BMAL1: variants seen among roughly 807,000 people sequenced by gnomAD.
BMAL1 encodes basic helix-loop-helix ARNT like 1.
the BMAL1 span, among the ~76,000 whole-genome samples, chr11:13,294,903 C>T: frequency 2.8e-4 from 43 of 152,188 alleles, no homozygotes; most frequent in Non-Finnish European, 3.8e-4. Flanking sequence ...GGCTTCTTCC[C>T]GCAGTGTTCT....
chr11:13,367,731 TGA>T, the BMAL1 span, among the ~76,000 whole-genome samples: 2 of 136,034 alleles, frequency 1.5e-5, no homozygotes, highest in Middle Eastern at 8.5e-3. Flanking sequence ...AAAAAAAGAA[TGA>T]GAACACAAGG....
chr11:13,311,676 G>C, the BMAL1 span, among the ~76,000 whole-genome samples: 1 of 152,228 alleles, frequency 6.6e-6, no homozygotes. Context: ...AGCATGCTGT[G>C]ACCAGTTTTC....
At chr11:13,378,266 T>C in the BMAL1 span, 1 of 1,471,840 alleles carries the variant, frequency 6.8e-7, no homozygotes, top group African/African-American at 1.4e-5. Context: ...ATAAACTGGT[T>C]TTACTTTAAT....
chr11:13,299,387 A>C, the BMAL1 span, among the ~76,000 whole-genome samples: 1 of 152,100 alleles, frequency 6.6e-6, no homozygotes, highest in African/African-American at 2.4e-5. Context: ...GCTGGCCTGT[A>C]AGGGATCTGA....
the BMAL1 span, among the ~76,000 whole-genome samples, chr11:13,328,111 G>A: frequency 2.6e-5 from 4 of 152,178 alleles, no homozygotes; most frequent in Non-Finnish European, 5.9e-5. Context: ...TTGATGAGAT[G>A]TACCTGCTGA....
the BMAL1 span, chr11:13,385,671 C>T: frequency 6.3e-7 from 1 of 1,576,902 alleles, no homozygotes. Context: ...CTTCACACTT[C>T]CCTCCTTTTG....
the BMAL1 span, among the ~76,000 whole-genome samples, chr11:13,316,521 C>T: frequency 6.6e-6 from 1 of 152,096 alleles, no homozygotes; most frequent in Non-Finnish European, 1.5e-5. Flanking sequence ...ACTTTGGTAC[C>T]TTGGTGACTT....
At chr11:13,354,208 C>CCCCCCAA in the BMAL1 span, 2 of 985,862 alleles carry the variant, frequency 2.0e-6, no homozygotes, top group South Asian at 1.5e-5. Context: ...CGGCCCCCCA[C>CCCCCCAA]CACCAAACCC....
the BMAL1 span, chr11:13,356,650 T>C: frequency 1.3e-6 from 2 of 1,489,940 alleles, no homozygotes; most frequent in Non-Finnish European, 1.8e-6. Flanking sequence ...GTTTGGTTTC[T>C]GGATAAATGA....
chr11:13,366,833 C>A, the BMAL1 span: 1 of 1,491,878 alleles, frequency 6.7e-7, no homozygotes, highest in Non-Finnish European at 9.3e-7. Flanking sequence ...TCACAGGCAG[C>A]CAACCCTGAG....
chr11:13,329,683 GCC>G, the BMAL1 span, among the ~76,000 whole-genome samples: 8 of 152,220 alleles, frequency 5.3e-5, no homozygotes, highest in African/African-American at 1.7e-4. Context: ...CTGCGTGGAA[GCC>G]CAGAGGTCGG....
the BMAL1 span, among the ~76,000 whole-genome samples, chr11:13,288,395 T>C: frequency 2.3e-3 from 51 of 21,778 alleles, no homozygotes; most frequent in East Asian, 0.028. Flanking sequence ...GATTTTCTTT[T>C]TTCTTTCTTT....
the BMAL1 span, among the ~76,000 whole-genome samples, chr11:13,383,291 T>G: frequency 6.6e-6 from 1 of 152,210 alleles, no homozygotes; most frequent in African/African-American, 2.4e-5. Flanking sequence ...AAATGTCATC[T>G]GCAGTCTTTT....
chr11:13,363,314 T>C, the BMAL1 span, among the ~76,000 whole-genome samples: 2 of 152,146 alleles, frequency 1.3e-5, no homozygotes, highest in South Asian at 4.2e-4. Context: ...CTTACCAGGG[T>C]ATGGAACAAG....
the BMAL1 span, among the ~76,000 whole-genome samples, chr11:13,299,520 G>T: frequency 1.1e-4 from 16 of 152,120 alleles, no homozygotes; most frequent in African/African-American, 3.9e-4. Flanking sequence ...GTGGTTTGGG[G>T]CCATGGGGGG....
the BMAL1 span, among the ~76,000 whole-genome samples, chr11:13,328,779 G>A: frequency 6.6e-6 from 1 of 152,122 alleles, no homozygotes; most frequent in Non-Finnish European, 1.5e-5. Flanking sequence ...CAAAATAATA[G>A]ACACTCATTA....
At chr11:13,292,253 G>A in the BMAL1 span, among the ~76,000 whole-genome samples, 2 of 151,720 alleles carry the variant, frequency 1.3e-5, no homozygotes, top group Admixed American at 6.6e-5. Context: ...CCCCTTTAAA[G>A]TATTTAATTG....
the BMAL1 span, among the ~76,000 whole-genome samples, chr11:13,280,525 C>A: frequency 2.5e-3 from 388 of 152,256 alleles, no homozygotes; most frequent in African/African-American, 8.9e-3. Flanking sequence ...GTAGGAAAAT[C>A]AATATTAAAT....
chr11:13,322,416 C>T, the BMAL1 span, among the ~76,000 whole-genome samples: 1 of 152,206 alleles, frequency 6.6e-6, no homozygotes, highest in African/African-American at 2.4e-5. Flanking sequence ...CCCCATTGAG[C>T]TTTATTAGTG....
Sources: allele counts gnomAD v4.1 joint callset (sites outside exome capture counted in the v4.1 genomes callset), GRCh38; gene constraint gnomAD v4.1.1; transcripts MANE v1.5; gene names NCBI Gene and HGNC (gene_info 2026-07-23, HGNC 2026-07-21).